The following PRH1 variants were observed in gnomAD, a reference collection of about 807,000 sequenced individuals.
PRH1 encodes the protein salivary acidic proline-rich phosphoprotein 1/2.
PRH1 carries 7 observed loss-of-function variants against 7.9 expected under a neutral mutation model. The observed-to-expected ratio is 0.89, with a 90% CI of 0.50 to 1.67. The LOEUF (loss-of-function observed/expected upper bound fraction) is 1.67, where lower values mean the gene tolerates loss of function less well. Among genes scored for constraint, PRH1 ranks in the 40% most tolerant of loss-of-function variants. The pLI, the probability that PRH1 is intolerant of heterozygous loss-of-function variation, is 0.00. For missense variants in PRH1, 109 were observed against 223.6 expected (o/e 0.49, Z 3.27); for synonymous variants, 45 against 80.8 (o/e 0.56, Z 2.38).
chr12:11,065,837 A>G (rs1028661229), intron 1 of PRH1, among the ~76,000 whole-genome samples: 1 of 152,216 alleles, frequency 6.6e-6, no homozygotes, highest in East Asian at 1.9e-4. Context: ...AACTTGGAAG[A>G]AACTGGAAAT....
At chr12:10,957,360 T>C (rs114528612) in intron 2 of PRH1, among the ~76,000 whole-genome samples, 2,991 of 152,270 alleles carry the variant, frequency 0.02, 34 homozygotes, top group South Asian at 0.032. Flanking sequence ...TGGATAGCCA[T>C]GTGCAGAAGA....
chr12:11,169,595 C>T (rs1166130629), intron 1 of PRH1, among the ~76,000 whole-genome samples: 4 of 149,934 alleles, frequency 2.7e-5, no homozygotes, highest in African/African-American at 9.8e-5. Context: ...AGAATGAGTC[C>T]ACATAGCTTT....
intron 1 of PRH1, among the ~76,000 whole-genome samples, chr12:11,105,205 A>C (rs1945374861): frequency 6.6e-6 from 1 of 152,072 alleles, no homozygotes; most frequent in Non-Finnish European, 1.5e-5. Flanking sequence ...AAAGAAAAAA[A>C]GTTGAAAAAT....
At chr12:11,168,052 C>T (rs903587239) in intron 1 of PRH1, among the ~76,000 whole-genome samples, 1 of 151,432 alleles carries the variant, frequency 6.6e-6, no homozygotes, top group Non-Finnish European at 1.5e-5. Flanking sequence ...AAATGTGTTT[C>T]ATTGTCTAAA....
At chr12:11,086,609 T>G (rs1317486039) in intron 1 of PRH1, among the ~76,000 whole-genome samples, 3 of 151,282 alleles carry the variant, frequency 2.0e-5, no homozygotes, top group Admixed American at 1.3e-4. Flanking sequence ...CTCAGTATAA[T>G]TACCTATAAA....
chr12:11,062,190 C>G, intron 1 of PRH1: 1 of 1,613,504 alleles, frequency 6.2e-7, no homozygotes, highest in Non-Finnish European at 8.5e-7. Flanking sequence ...GTCTCTTGAA[C>G]CACTCAATGG....
At chr12:11,019,565 G>A (rs1415120359) in intron 1 of PRH1, among the ~76,000 whole-genome samples, 9 of 152,282 alleles carry the variant, frequency 5.9e-5, no homozygotes, top group Admixed American at 2.6e-4. Context: ...CAAATAATGT[G>A]TAAGAAAGGT....
At chr12:11,140,705 C>G (rs1946678159) in intron 1 of PRH1, among the ~76,000 whole-genome samples, 1 of 152,048 alleles carries the variant, frequency 6.6e-6, no homozygotes, top group South Asian at 2.1e-4. Context: ...ACTAGCATGC[C>G]AAGGAAGAGT....
chr12:11,066,336 A>T (rs1943810455), intron 1 of PRH1, among the ~76,000 whole-genome samples: 1 of 152,138 alleles, frequency 6.6e-6, no homozygotes, highest in African/African-American at 2.4e-5. Flanking sequence ...TAGCTCATAA[A>T]ATGTATCATT....
chr12:10,986,467 T>A, intron 1 of PRH1: 1 of 1,613,986 alleles, frequency 6.2e-7, no homozygotes, highest in Non-Finnish European at 8.5e-7. Flanking sequence ...CCCAACAGTA[T>A]CACCAGAATG....
At chr12:11,167,476 G>A (rs1036751396) in intron 1 of PRH1, among the ~76,000 whole-genome samples, 1 of 143,860 alleles carries the variant, frequency 7.0e-6, no homozygotes, top group African/African-American at 2.6e-5. Context: ...ATGGAGTCTC[G>A]CTCTGTCACC....
chr12:11,005,472 A>AT (rs1313989828), intron 1 of PRH1, among the ~76,000 whole-genome samples: 1 of 152,242 alleles, frequency 6.6e-6, no homozygotes, highest in Non-Finnish European at 1.5e-5. Flanking sequence ...CTGTGGATTG[A>AT]TTTTTTAAAT....
At chr12:10,994,686 ATTCATTCATTT>A (rs1940126547) in intron 1 of PRH1, among the ~76,000 whole-genome samples, 1 of 152,146 alleles carries the variant, frequency 6.6e-6, no homozygotes, top group Non-Finnish European at 1.5e-5. Flanking sequence ...TATAATTATT[ATTCATTCATTT>A]TTCCATCAGT....
At chr12:11,132,505 T>C (rs1345036519) in intron 1 of PRH1, among the ~76,000 whole-genome samples, 2 of 152,242 alleles carry the variant, frequency 1.3e-5, no homozygotes, top group African/African-American at 4.8e-5. Flanking sequence ...AGTTTTTCTT[T>C]AATTGAAAAG....
chr12:11,162,131 G>C (rs1947436543), intron 1 of PRH1, among the ~76,000 whole-genome samples: 1 of 152,154 alleles, frequency 6.6e-6, no homozygotes, highest in Non-Finnish European at 1.5e-5. Context: ...AGCCAAGGAG[G>C]ATAATAATGA....
intron 2 of PRH1, chr12:10,973,614 GT>G: frequency 1.3e-6 from 1 of 766,796 alleles, no homozygotes. Context: ...GTGTTGCTAG[GT>G]TTTCATTTGA....
At chr12:11,039,516 T>C (rs1453597539) in intron 1 of PRH1, among the ~76,000 whole-genome samples, 2 of 152,246 alleles carry the variant, frequency 1.3e-5, no homozygotes, top group African/African-American at 2.4e-5. Context: ...TTTTTAAATG[T>C]TCTGCAATTT....
At chr12:10,994,674 GTTATAA>G (rs1940125071) in intron 1 of PRH1, among the ~76,000 whole-genome samples, 1 of 151,952 alleles carries the variant, frequency 6.6e-6, no homozygotes, top group Non-Finnish European at 1.5e-5. Context: ...TTCATTCAGT[GTTATAA>G]TTATTATTCA....
At chr12:10,969,478 C>G (rs1443851822) in intron 2 of PRH1, among the ~76,000 whole-genome samples, 2 of 152,174 alleles carry the variant, frequency 1.3e-5, no homozygotes, top group African/African-American at 4.8e-5. Flanking sequence ...TAGAATTTCC[C>G]AGCCTCCTGC....
Sources: gnomAD v4.1 joint callset for allele counts (sites outside exome capture counted in the v4.1 genomes callset) on GRCh38, gnomAD v4.1.1 for gene constraint, MANE v1.5 for transcripts, NCBI Gene and HGNC (gene_info 2026-07-23, HGNC 2026-07-21) for gene names.